Variants in PDXDC1 observed in about 807,000 individuals in gnomAD.
PDXDC1 encodes the protein pyridoxal dependent decarboxylase domain containing 1, also known as pyridoxal-dependent decarboxylase domain-containing protein 1.
A neutral mutation model predicts 100.1 loss-of-function variants in PDXDC1; 42 were observed. The ratio of observed to expected loss-of-function variants is 0.42; its 90% CI spans 0.33 to 0.54. The LOEUF (loss-of-function observed/expected upper bound fraction) is 0.54, where lower values mean the gene tolerates loss of function less well. PDXDC1 is among the 20% of genes least tolerant of loss of function. The pLI, the probability that PDXDC1 is intolerant of heterozygous loss-of-function variation, is 0.10. For synonymous variants in PDXDC1, 260 were observed against 371.7 expected (o/e 0.70, Z 3.46); for missense variants, 636 against 979.2 (o/e 0.65, Z 4.68).
At chr16:15,147,169 G>T in the PDXDC1 span, among the ~76,000 whole-genome samples, 1 of 144,296 alleles carries the variant, frequency 6.9e-6, no homozygotes, top group East Asian at 2.1e-4. Context: ...GGGAGGGAGA[G>T]GTGGGAGGGG....
intron 12 of PDXDC1, among the ~76,000 whole-genome samples, chr16:15,019,808 A>G (rs559911833): frequency 3.0e-4 from 46 of 152,386 alleles, no homozygotes; most frequent in Non-Finnish European, 4.3e-4. Flanking sequence ...TTCAGATCAT[A>G]GCATTTAGAA....
intron 3 of PDXDC1, among the ~76,000 whole-genome samples, chr16:14,999,067 A>G (rs1005369638): frequency 5.9e-5 from 9 of 152,274 alleles, no homozygotes; most frequent in African/African-American, 1.9e-4. Flanking sequence ...CCTGAGTGAT[A>G]GAGACACTCT....
At chr16:15,098,619 C>G (rs150005626) in intron 16 of PDXDC1, among the ~76,000 whole-genome samples, 3,047 of 152,148 alleles carry the variant, frequency 0.02, 33 homozygotes, top group Non-Finnish European at 0.032. Context: ...TGGCTCACGC[C>G]TGTAATCCCA....
chr16:15,127,921 T>C (rs1179073388), intron 16 of PDXDC1: 21 of 1,388,174 alleles, frequency 1.5e-5, no homozygotes, highest in Non-Finnish European at 1.8e-5. Flanking sequence ...AGGGCCGCAC[T>C]GCAGGAGGCC....
chr16:15,001,917 C>T (rs373140776), intron 4 of PDXDC1, 61 bp downstream of exon 4: 387 of 1,399,784 alleles, frequency 2.8e-4, no homozygotes, highest in Admixed American at 1.1e-3. Flanking sequence ...GTAGTGATTG[C>T]GCTCTGACAA....
chr16:15,144,098 GGAGGAGCCGGTTCCCCTCCGCCCAGCAA>G (rs1208965738), downstream of PDXDC1, among the ~76,000 whole-genome samples: 2 of 152,172 alleles, frequency 1.3e-5, no homozygotes, highest in Non-Finnish European at 2.9e-5. Flanking sequence ...GTCCTCTCCT[GGAGGAGCCGGTTCCCCTCCGCCCAGCAA>G]GAGGACCCCC....
intron 16 of PDXDC1, chr16:15,133,781 A>T (rs1485290529): frequency 6.3e-7 from 1 of 1,589,228 alleles, no homozygotes; most frequent in African/African-American, 1.3e-5. Flanking sequence ...CCCCCTAAGC[A>T]GGCCTGTACT....
At chr16:15,031,525 C>G (rs1015894296) in intron 16 of PDXDC1, among the ~76,000 whole-genome samples, 1 of 152,144 alleles carries the variant, frequency 6.6e-6, no homozygotes, top group Non-Finnish European at 1.5e-5. Flanking sequence ...GTGAGAGAAA[C>G]ACTCCACACC....
intron 16 of PDXDC1, chr16:15,047,524 AAT>A: frequency 6.2e-7 from 1 of 1,613,982 alleles, no homozygotes; most frequent in East Asian, 2.2e-5. Context: ...GTTCCGTCAC[AAT>A]GTGTCAAGCA....
At position 15,087,472 on chromosome 16, in the gene PDXDC1, C is replaced by T. The variant is rs567427057; in HGVS notation, c.1400-51407C>T. On this transcript the variant is annotated intron_variant, in intron 16 of 16. Coordinates refer to the PDXDC1 transcript ENST00000535621. ...GCTATCCTCTGTCCACCGTCCCACA[C>T]GCCTCCCTATATGCGGAGAAGAAGC... is the stretch of plus-strand genomic sequence containing the variant. Among the ~76,000 whole-genome samples, 31 of 152,334 alleles carry T rather than the reference C, an allele frequency of 2.0e-4. No homozygotes were observed. In the South Asian group the frequency reaches 2.5e-3, roughly 12 times the overall value.
chr16:15,034,536 C>G lies in PDXDC1; in HGVS notation c.1985C>G (p.Thr662Ser), dbSNP rs200891688. The G allele has an allele frequency of 6.2e-7, 1 of 1,613,690 alleles. No individual in the cohort carries two copies. Among genetic ancestry groups the G allele is most frequent in the East Asian group, 2.2e-5 (1 of 44,876 alleles). Residue 662 changes from threonine to serine, a missense_variant, in exon 21 of 23, where the codon ACT (threonine) becomes AGT (serine). Thr to Ser is a moderately conservative substitution (Grantham distance 58). This residue lies in a region of PDXDC1 where 452 missense variants were observed against 402.9 expected (regional missense o/e 1.12). Coordinates refer to ENST00000396410, the MANE Select transcript of PDXDC1 (RefSeq NM_015027.4). ...SPVQALQKGR[T>S]FNLTAGSLES... ...GTCCAGGCTTTACAGAAGGGAAGAA[C>G]TTTTAACTTGACAGCAGGTAGGACG...
Position 15,033,387 on chromosome 16 carries a change from G to A in PDXDC1, c.1800G>A (p.Glu600=). 1 of 1,614,136 alleles carries A rather than the reference G, an allele frequency of 6.2e-7. No individual in the cohort carries two copies. Among genetic ancestry groups the A allele is most frequent in the African/African-American group, 1.3e-5 (1 of 75,040 alleles). Residue 600 remains glutamate, a synonymous_variant, in exon 19 of 23, where the codon GAG becomes GAA. Coordinates refer to ENST00000396410, the MANE Select transcript of PDXDC1 (RefSeq NM_015027.4). ...TTGCGGCCACAGCCCGGGAGATAGA[G>A]GAGAACTCGAGGGTCCGTAGCACCC... ...ETIAATAREI[E]ENSRLLENMT... is the part of the protein sequence containing the mutation.
intron 16 of PDXDC1, among the ~76,000 whole-genome samples, chr16:15,085,248 T>C (rs1438043291): frequency 6.6e-6 from 1 of 152,148 alleles, no homozygotes; most frequent in South Asian, 2.1e-4. Flanking sequence ...ATGGTAAATA[T>C]AACAAAAAGA....
intron 16 of PDXDC1, among the ~76,000 whole-genome samples, chr16:15,046,438 C>T (rs1198482268): frequency 2.0e-5 from 3 of 152,144 alleles, no homozygotes; most frequent in Non-Finnish European, 4.4e-5. Context: ...TCGTCGGCCT[C>T]CACCTAGCTC....
chr16:15,129,545 C>T (rs540175653), intron 16 of PDXDC1, among the ~76,000 whole-genome samples: 7 of 152,334 alleles, frequency 4.6e-5, no homozygotes, highest in Admixed American at 1.3e-4. Context: ...CTGGCGCCTC[C>T]GTCTGAGAGA....
chr16:14,997,101 G>A, intron 1 of PDXDC1, among the ~76,000 whole-genome samples: 1 of 152,176 alleles, frequency 6.6e-6, no homozygotes, highest in Non-Finnish European at 1.5e-5. Flanking sequence ...AGTGAAGAAG[G>A]GTAGGGTCCT....
At chr16:15,143,399 CA>C (rs1286348522), downstream of PDXDC1, among the ~76,000 whole-genome samples, 3 of 152,216 alleles carry the variant, frequency 2.0e-5, no homozygotes, top group African/African-American at 7.2e-5. Context: ...GGGCTGTGGG[CA>C]GCAGGGCCAG....
At chr16:15,089,786 CAAAAAAAAAAAA>C (rs142235345) in intron 16 of PDXDC1, among the ~76,000 whole-genome samples, 13 of 66,580 alleles carry the variant, frequency 2.0e-4, no homozygotes, top group Middle Eastern at 0.016. Flanking sequence ...GGCGACAGAG[CAAAAAAAAAAAA>C]AAAAAAAAAA....
intron 16 of PDXDC1, chr16:15,080,083 T>G: frequency 6.3e-7 from 1 of 1,598,568 alleles, no homozygotes; most frequent in Non-Finnish European, 8.5e-7. Context: ...TAGTAAGTTA[T>G]GAACGTAACA....
Sources: gnomAD v4.1 joint callset for allele counts (sites outside exome capture counted in the v4.1 genomes callset) on GRCh38, gnomAD v4.1.1 for gene constraint, gnomAD v4.1.1 regional missense constraint, MANE v1.5 for transcripts, NCBI Gene and HGNC (gene_info 2026-07-23, HGNC 2026-07-21) for gene names.